The following IMMP2L variants were observed in gnomAD, a reference collection of about 807,000 sequenced individuals.
The protein encoded by IMMP2L is mitochondrial inner membrane protease subunit 2.
IMMP2L carries 18 observed loss-of-function variants against 19.3 expected under a neutral mutation model. That is an observed-to-expected ratio of 0.93 (90% CI 0.64 to 1.38). The LOEUF is 1.38. IMMP2L is among the 40% of genes most tolerant of loss of function. The pLI, the probability that IMMP2L is intolerant of heterozygous loss-of-function variation, is 0.00. For missense variants in IMMP2L, 233 were observed against 218.2 expected, an observed-to-expected ratio of 1.07 and a Z score of -0.43; for synonymous variants, 76 against 73.0, an observed-to-expected ratio of 1.04 and a Z score of -0.21.
At chr7:110,786,865 T>G (rs563117877) in intron 5 of IMMP2L, among the ~76,000 whole-genome samples, 1 of 152,130 alleles carries the variant, frequency 6.6e-6, no homozygotes, top group African/African-American at 2.4e-5. Flanking sequence ...CATTTCTCCA[T>G]AACACTGAAA....
chr7:111,067,439 G>A (rs577902985), intron 3 of IMMP2L, among the ~76,000 whole-genome samples: 4 of 152,184 alleles, frequency 2.6e-5, no homozygotes, highest in East Asian at 1.9e-4. Context: ...AGAGGCAGAC[G>A]GGAGGGAGAA....
At chr7:111,078,172 T>C (rs1325152984) in intron 3 of IMMP2L, among the ~76,000 whole-genome samples, 1 of 152,218 alleles carries the variant, frequency 6.6e-6, no homozygotes, top group Non-Finnish European at 1.5e-5. Flanking sequence ...GACTTTATTT[T>C]TCACCTTTAT....
intron 5 of IMMP2L, among the ~76,000 whole-genome samples, chr7:110,835,964 G>A (rs1326271637): frequency 6.6e-6 from 1 of 151,952 alleles, no homozygotes; most frequent in Non-Finnish European, 1.5e-5. Context: ...TTACACCCAG[G>A]GCAACACCCA....
chr7:110,916,247 C>A (rs1163105287), intron 4 of IMMP2L, among the ~76,000 whole-genome samples: 1 of 152,172 alleles, frequency 6.6e-6, no homozygotes, highest in African/African-American at 2.4e-5. Flanking sequence ...TAAAGTGTTT[C>A]TGTCTGAATG....
Position 110,829,511 on chromosome 7 carries a change from C to T in IMMP2L, c.408+57082G>A, listed in dbSNP as rs151042007. ...GGGGTGGTGTTCTATAATAAAACAACCCCAAATGGGAAGAATTCTAAAAAC... is the reference window on the plus strand; with the variant it reads ...GGGGTGGTGTTCTATAATAAAACAATCCCAAATGGGAAGAATTCTAAAAAC... On this transcript the variant is annotated intron_variant, in intron 5 of 5. Coordinates refer to ENST00000405709, the MANE Select transcript of IMMP2L (RefSeq NM_032549.4). Among the ~76,000 whole-genome samples, 130 of 152,180 alleles carry T rather than the reference C, an allele frequency of 8.5e-4. 2 individuals are homozygous for T. In the East Asian group the frequency reaches 0.022, roughly 26 times the overall value.
At chr7:111,031,130 T>C (rs1167368891) in intron 3 of IMMP2L, among the ~76,000 whole-genome samples, 2 of 151,812 alleles carry the variant, frequency 1.3e-5, no homozygotes, top group Non-Finnish European at 2.9e-5. Context: ...GTAATGTTTA[T>C]AGTTATATGT....
At chr7:110,966,412 A>G (rs1170538034) in intron 3 of IMMP2L, among the ~76,000 whole-genome samples, 1 of 152,054 alleles carries the variant, frequency 6.6e-6, no homozygotes, top group East Asian at 1.9e-4. Flanking sequence ...GTAAGACCTG[A>G]ATTAATTATC....
Position 111,213,111 on chromosome 7 carries a change from G to A in IMMP2L, c.240-249546C>T, listed in dbSNP as rs1310222873. ...CCCAGGCATTTCTACACTCTTGGAG[G>A]CCAGGAAAGGCCCCCTGTCTCTGCA... On this transcript the variant is annotated intron_variant, in intron 3 of 5. Transcript: ENST00000405709. This position sits in a 1 kb window ranked among gnomAD's most constrained non-coding sequence, Gnocchi z 4.8. 1.3e-5 allele frequency among the ~76,000 whole-genome samples: 2 copies of A among 152,236 alleles called. No individual in the cohort carries two copies. Among genetic ancestry groups the A allele is most frequent in the Non-Finnish European group, 2.9e-5 (2 of 68,050 alleles).
chr7:111,011,178 A>T (rs1824910528), intron 3 of IMMP2L, among the ~76,000 whole-genome samples: 1 of 152,128 alleles, frequency 6.6e-6, no homozygotes, highest in Non-Finnish European at 1.5e-5. Flanking sequence ...ATATGGTTCT[A>T]GTTGCCAGTG....
At position 110,758,065 on chromosome 7, in the gene IMMP2L, G is replaced by A. The variant is rs140396967; in HGVS notation, c.409-94344C>T. Reference sequence around the variant, plus strand: ...GGAAGAAAAACTAGAAGAATATGTTGCCCTAGGAGTTAGGGAAGAAAATGT... The same window carrying A: ...GGAAGAAAAACTAGAAGAATATGTTACCCTAGGAGTTAGGGAAGAAAATGT... On this transcript the variant is annotated intron_variant, in intron 5 of 5. Coordinates refer to ENST00000405709, the MANE Select transcript of IMMP2L (RefSeq NM_032549.4). This position sits in a 1 kb window ranked among gnomAD's most constrained non-coding sequence, Gnocchi z 4.6. Among the ~76,000 whole-genome samples, 1 of 152,212 alleles carries A rather than the reference G, an allele frequency of 6.6e-6. No homozygotes were observed. Among genetic ancestry groups the A allele is most frequent in the Non-Finnish European group, 1.5e-5 (1 of 68,004 alleles).
chr7:110,837,146 T>TTTTGGA (rs1231677451), intron 5 of IMMP2L, among the ~76,000 whole-genome samples: 2 of 152,146 alleles, frequency 1.3e-5, no homozygotes, highest in Non-Finnish European at 2.9e-5. Flanking sequence ...CATGATACAT[T>TTTTGGA]CATATTATGG....
intron 5 of IMMP2L, among the ~76,000 whole-genome samples, chr7:110,793,973 T>C (rs117366937): frequency 0.01 from 1,551 of 152,188 alleles, 9 homozygotes; most frequent in Admixed American, 0.015. Flanking sequence ...TACATAACTA[T>C]TGGAATAGCA....
At chr7:110,755,707 A>T (rs1428737762) in intron 5 of IMMP2L, among the ~76,000 whole-genome samples, 1 of 152,072 alleles carries the variant, frequency 6.6e-6, no homozygotes, top group Non-Finnish European at 1.5e-5. Context: ...AACTGAGGAG[A>T]AGAAGATGGG....
At chr7:110,898,238 G>A (rs28650025) in intron 4 of IMMP2L, among the ~76,000 whole-genome samples, 7,262 of 151,856 alleles carry the variant, frequency 0.048, 565 homozygotes, top group African/African-American at 0.17. Context: ...TAAAAAAGAA[G>A]AAAACAAACA....
intron 4 of IMMP2L, among the ~76,000 whole-genome samples, chr7:110,940,303 A>T (rs1816596900): frequency 6.8e-6 from 1 of 146,734 alleles, no homozygotes; most frequent in Non-Finnish European, 1.5e-5. Flanking sequence ...TGGGCAACAG[A>T]GCTAGACTCC....
chr7:111,286,781 A>G (rs1205619732), intron 3 of IMMP2L, among the ~76,000 whole-genome samples: 1 of 152,124 alleles, frequency 6.6e-6, no homozygotes, highest in East Asian at 1.9e-4. Context: ...GAAGGCCATG[A>G]TTTCTCTCAG....
intron 1 of IMMP2L, among the ~76,000 whole-genome samples, chr7:111,535,805 G>GA (rs1156821672): frequency 1.3e-5 from 2 of 152,036 alleles, no homozygotes; most frequent in East Asian, 3.9e-4. Context: ...TACACAGTGG[G>GA]AATCAGGGAA....
At chr7:110,917,690 G>A (rs978765214) in intron 4 of IMMP2L, among the ~76,000 whole-genome samples, 8 of 152,158 alleles carry the variant, frequency 5.3e-5, no homozygotes, top group African/African-American at 1.4e-4. Context: ...ATAGGGAGAC[G>A]GGAAACAAGG....
intron 3 of IMMP2L, among the ~76,000 whole-genome samples, chr7:111,225,726 G>A (rs1813016961): frequency 6.7e-6 from 1 of 150,332 alleles, no homozygotes; most frequent in Non-Finnish European, 1.5e-5. Context: ...GTGGTTAAGT[G>A]GAGTGATGGA....
Sources: allele counts gnomAD v4.1 joint callset (sites outside exome capture counted in the v4.1 genomes callset), GRCh38; gene constraint gnomAD v4.1.1; non-coding constraint Gnocchi (gnomAD v3.1); transcripts MANE v1.5; gene names NCBI Gene and HGNC (gene_info 2026-07-23, HGNC 2026-07-21).